Variants in ZGRF1 observed in about 807,000 individuals in gnomAD.
ZGRF1 encodes the protein 5'-3' DNA helicase ZGRF1.
ZGRF1 carries 196 observed loss-of-function variants against 203.5 expected under a neutral mutation model. The ratio of observed to expected loss-of-function variants is 0.96; its 90% CI spans 0.86 to 1.08. The LOEUF is 1.08. Among genes scored for constraint, ZGRF1 ranks in the 50% least tolerant of loss-of-function variants. The probability of loss-of-function intolerance (pLI) is 0.00; values close to 1 mark genes in which losing one functional copy is unlikely to be tolerated. For synonymous variants in ZGRF1, 809 were observed against 841.3 expected (o/e 0.96, Z 0.66); for missense variants, 2,326 against 2,416.3 (o/e 0.96, Z 0.78).
chr4:112,626,810 A>AT (rs1450763222), intron 3 of ZGRF1, among the ~76,000 whole-genome samples: 2 of 151,652 alleles, frequency 1.3e-5, no homozygotes, highest in African/African-American at 4.8e-5. Context: ...TTATTTATTT[A>AT]TTTTTCTTTT....
At chr4:112,541,617 C>T (rs1737633146) in intron 24 of ZGRF1, among the ~76,000 whole-genome samples, 1 of 151,590 alleles carries the variant, frequency 6.6e-6, no homozygotes, top group Admixed American at 6.6e-5. Flanking sequence ...CAACCTCCAC[C>T]TCCTGGTTTC....
chr4:112,618,350 C>T lies in ZGRF1; in HGVS notation c.1692G>A (p.Leu564=). 1 of 1,613,760 alleles carries T rather than the reference C, an allele frequency of 6.2e-7. No homozygotes were observed. The highest frequency in any genetic ancestry group is 8.5e-7 in the Non-Finnish European group (1 of 1,179,892). The change falls in exon 6 of 28, where the codon TTG becomes TTA. Residue 564 remains leucine, a synonymous_variant. Transcript: ENST00000505019. The stretch of plus-strand genomic sequence containing the variant: ...GAAAACATGAATTGCCATCATTAAC[C>T]AAAATGTCCTTTACCCAACTCTCTG... ...QDSESWVKDI[L]VNDGNSCFQK...
intron 4 of ZGRF1, among the ~76,000 whole-genome samples, 171 bp from the exon 5 acceptor site, chr4:112,620,361 A>G (rs969749327): frequency 1.4e-4 from 21 of 152,222 alleles, no homozygotes; most frequent in African/African-American, 5.1e-4. Context: ...TTAACTATCA[A>G]TAAGCACAAA....
chr4:112,549,634 C>T (rs998301356), intron 22 of ZGRF1, among the ~76,000 whole-genome samples: 1 of 152,170 alleles, frequency 6.6e-6, no homozygotes, highest in Non-Finnish European at 1.5e-5. Context: ...TGTAAACAAA[C>T]CTACTGTACT....
At chr4:112,540,711 C>T in intron 26 of ZGRF1, 110 bp downstream of exon 26, 1 of 757,842 alleles carries the variant, frequency 1.3e-6, no homozygotes, top group Non-Finnish European at 2.0e-6. Flanking sequence ...AATTACAGTA[C>T]CAAAAGTTTT....
intron 3 of ZGRF1, among the ~76,000 whole-genome samples, chr4:112,631,332 C>T (rs538588350): frequency 1.1e-4 from 16 of 151,946 alleles, no homozygotes; most frequent in Admixed American, 6.6e-5. Context: ...ATTCCAATTC[C>T]ACTCCTGGAG....
intron 10 of ZGRF1, among the ~76,000 whole-genome samples, chr4:112,601,399 T>C (rs547175970): frequency 4.5e-4 from 69 of 152,022 alleles, no homozygotes; most frequent in African/African-American, 1.7e-3. Context: ...TAAATGTATA[T>C]GCAACCATAC....
intron 10 of ZGRF1, 128 bp from the exon 11 acceptor site, chr4:112,590,002 G>A: frequency 7.1e-6 from 4 of 564,066 alleles, no homozygotes; most frequent in South Asian, 4.7e-5. Context: ...GCTATGGTGG[G>A]GGCAACAACT....
At chr4:112,593,805 GCT>G (rs1303975634) in intron 10 of ZGRF1, among the ~76,000 whole-genome samples, 18 of 120,126 alleles carry the variant, frequency 1.5e-4, no homozygotes, top group Admixed American at 6.7e-4. Context: ...GACAGGTCTT[GCT>G]CTGTTGCTCA....
At chr4:112,611,970 GTT>G (rs199641683) in intron 7 of ZGRF1, among the ~76,000 whole-genome samples, 2 of 143,966 alleles carry the variant, frequency 1.4e-5, no homozygotes, top group East Asian at 2.0e-4. Context: ...GTGGGGTTTT[GTT>G]TTTTTTTTTT....
At chr4:112,547,141 G>T in intron 24 of ZGRF1, 144 bp downstream of exon 24, 1 of 834,214 alleles carries the variant, frequency 1.2e-6, no homozygotes, top group Non-Finnish European at 1.7e-6. Flanking sequence ...TCTTTAAGAT[G>T]AATACTTACT....
chr4:112,625,851 C>T (rs901257346), intron 3 of ZGRF1, among the ~76,000 whole-genome samples: 5 of 150,594 alleles, frequency 3.3e-5, no homozygotes, highest in African/African-American at 4.9e-5. Context: ...GCTGAGAACA[C>T]GCCATTGCAC....
At chr4:112,561,824 A>C (rs1218504313) in intron 18 of ZGRF1, among the ~76,000 whole-genome samples, 1 of 152,036 alleles carries the variant, frequency 6.6e-6, no homozygotes, top group East Asian at 1.9e-4. Context: ...TCCTTAAATT[A>C]TCTCTTGATG....
intron 12 of ZGRF1, among the ~76,000 whole-genome samples, chr4:112,587,001 T>C (rs939210169): frequency 6.6e-6 from 1 of 152,212 alleles, no homozygotes; most frequent in Non-Finnish European, 1.5e-5. Flanking sequence ...ATTGTAATGG[T>C]AGTAGTGATG....
intron 8 of ZGRF1, among the ~76,000 whole-genome samples, chr4:112,607,025 T>A (rs1323370327): frequency 6.6e-6 from 1 of 152,208 alleles, no homozygotes; most frequent in African/African-American, 2.4e-5. Flanking sequence ...GTATATTTCT[T>A]CAAATAATGG....
chr4:112,565,239 C>T, intron 16 of ZGRF1: 1 of 1,594,642 alleles, frequency 6.3e-7, no homozygotes, highest in Non-Finnish European at 8.6e-7. Context: ...CAGATCTGCA[C>T]TTCCAGAGCG....
At chr4:112,563,396 A>C in intron 16 of ZGRF1, 122 bp from the exon 17 acceptor site, 1 of 633,858 alleles carries the variant, frequency 1.6e-6, no homozygotes, top group Non-Finnish European at 2.5e-6. Context: ...TACATACACA[A>C]GATGAGAAGT....
intron 21 of ZGRF1, 141 bp downstream of exon 21, chr4:112,554,564 C>A: frequency 5.3e-6 from 3 of 565,216 alleles, no homozygotes; most frequent in Non-Finnish European, 9.5e-6. Flanking sequence ...TCATTCTCAG[C>A]AAAATACAGA....
At position 112,581,741 on chromosome 4, in the gene ZGRF1, G is replaced by T; in HGVS notation, c.4360C>A (p.Pro1454Thr). Residue 1454 changes from proline (P) to threonine (T), a missense_variant, in exon 16 of 28, where the codon CCT (proline) becomes ACT (threonine). Pro to Thr is a conservative substitution (Grantham distance 38). Coordinates refer to ENST00000505019, the MANE Select transcript of ZGRF1 (RefSeq NM_018392.5). ...GKLKKFTTVN[P>T]EFYNEPKTKL... ...GTTTTTGGTTCATTATAAAACTCAG[G>T]ATTTACAGTAGTAAACTTCTTTAGT... 1 of 1,563,240 alleles carries T rather than the reference G, an allele frequency of 6.4e-7. No individual in the cohort carries two copies. Among genetic ancestry groups the T allele is most frequent in the South Asian group, 1.2e-5 (1 of 82,714 alleles).
Sources: allele counts gnomAD v4.1 joint callset (sites outside exome capture counted in the v4.1 genomes callset), GRCh38; gene constraint gnomAD v4.1.1; transcripts MANE v1.5; gene names NCBI Gene and HGNC (gene_info 2026-07-23, HGNC 2026-07-21).